HSBP1: variants seen among roughly 807,000 people sequenced by gnomAD.
HSBP1 encodes the protein heat shock factor binding protein 1, also known as heat shock factor-binding protein 1.
HSBP1 carries 5 observed loss-of-function variants against 9.6 expected under a neutral mutation model. The ratio of observed to expected loss-of-function variants is 0.52; its 90% confidence interval spans 0.27 to 1.09. The LOEUF is 1.09. Ranked by LOEUF, HSBP1 falls within the 50% of genes least tolerant of loss-of-function variation. HSBP1 has a pLI of 0.11. For synonymous variants in HSBP1, 42 were observed against 33.3 expected (o/e 1.26, Z -0.90); for missense variants, 121 against 96.3 (o/e 1.26, Z -1.07).
rs1904707041 is a variant in HSBP1 at position 83,815,802 on chromosome 16, C to T, written c.*4384C>T. 6.6e-6 allele frequency: 1 copy of T among 152,184 alleles called. No individual in the cohort carries two copies. Among genetic ancestry groups the T allele is most frequent in the Non-Finnish European group, 1.5e-5 (1 of 68,030 alleles). 9.4% of individuals were successfully genotyped at this position (152,184 alleles called of 1,614,324 possible). On this transcript the variant is annotated 3_prime_UTR_variant, in exon 4 of 4. Transcript: ENST00000433866. ...GAACACTCTTGACTGTCCTGCTTCA[C>T]AATAATAATCTTCGCAATAATGATC...
chr16:83,815,486 G>C lies in HSBP1; in HGVS notation c.*4068G>C, dbSNP rs952298818. 6.7e-6 allele frequency: 1 copy of C among 148,288 alleles called. No individual in the cohort carries two copies. Among genetic ancestry groups the C allele is most frequent in the African/African-American group, 2.5e-5 (1 of 39,826 alleles). 9.2% of individuals were successfully genotyped at this position (148,288 alleles called of 1,614,324 possible). ...GTGATCGGACGACTCCACTCCAGCC[G>C]GGGTGACAGAGCAAGACCCTGTCTC... On this transcript the variant is annotated 3_prime_UTR_variant, in exon 4 of 4. Coordinates refer to ENST00000433866, the MANE Select transcript of HSBP1 (RefSeq NM_001537.4).
Position 83,815,227 on chromosome 16 carries a change from T to G in HSBP1, c.*3809T>G, listed in dbSNP as rs573613858. Reference sequence around the variant, plus strand: ...GAATTGTGATTGAACATTGCACTTATCAACCCTACAAATTAATATGGAAAT... The same window carrying G: ...GAATTGTGATTGAACATTGCACTTAGCAACCCTACAAATTAATATGGAAAT... On this transcript the variant is annotated 3_prime_UTR_variant, in exon 4 of 4. Coordinates refer to ENST00000433866, the MANE Select transcript of HSBP1 (RefSeq NM_001537.4). 52 of 152,246 alleles carry G rather than the reference T, an allele frequency of 3.4e-4. No homozygotes were observed. Among genetic ancestry groups the G allele is most frequent in the African/African-American group, 1.1e-3 (45 of 41,522 alleles). 9.4% of individuals were successfully genotyped at this position (152,246 alleles called of 1,614,324 possible).
chr16:83,809,441 A>C lies in HSBP1; in HGVS notation c.*2+16A>C. 9.4e-7 allele frequency: 1 copy of C among 1,058,688 alleles called. No homozygotes were observed. Among genetic ancestry groups the C allele is most frequent in the African/African-American group, 1.7e-5 (1 of 57,824 alleles). 65.6% of individuals were successfully genotyped at this position (1,058,688 alleles called of 1,614,324 possible). On this transcript the variant is annotated intron_variant, in intron 3 of 3. Transcript: ENST00000433866. ...AGAGTTGAAGGTGAGGAAGGGGGCAATTTTTTTTTTCTTTTCTTTTCTTTT... is the reference window on the plus strand; with the variant it reads ...AGAGTTGAAGGTGAGGAAGGGGGCACTTTTTTTTTTCTTTTCTTTTCTTTT...
rs193288604 is a variant in HSBP1 at position 83,819,055 on chromosome 16, C to T, written c.*7637C>T. On this transcript the variant is annotated 3_prime_UTR_variant, in exon 4 of 4. Transcript: ENST00000433866. ...GTTTTAACACATCCTCCAGGCGATT[C>T]TGAGAGTGAGAGAGCCAGGGCCTTC... 6.6e-6 allele frequency: 1 copy of T among 152,026 alleles called. No individual in the cohort carries two copies. Among genetic ancestry groups the T allele is most frequent in the African/African-American group, 2.4e-5 (1 of 41,432 alleles). 9.4% of individuals were successfully genotyped at this position (152,026 alleles called of 1,614,324 possible). A position where few individuals can be genotyped will look rare whatever the true frequency, so the allele number is the denominator to read the frequency against.
In HSBP1 at chr16:83,817,957, T is replaced by G. The variant is rs144112260; in HGVS notation, c.*6539T>G. ...TCAGCCTTTCCCTTTGATAGGTATC[T>G]CTCCTGCAAGCCAGGCTCAGGTGCG... On this transcript the variant is annotated 3_prime_UTR_variant, in exon 4 of 4. Coordinates refer to ENST00000433866, the MANE Select transcript of HSBP1 (RefSeq NM_001537.4). The G allele has an allele frequency of 3.8e-4, 58 of 152,308 alleles. No individual in the cohort carries two copies. In the East Asian group the frequency reaches 0.01, roughly 26 times the overall value. 9.4% of individuals were successfully genotyped at this position (152,308 alleles called of 1,614,324 possible).
rs1183662972 is a variant in HSBP1 at position 83,815,527 on chromosome 16, G to C, written c.*4109G>C. The C allele has an allele frequency of 8.2e-6, 1 of 121,324 alleles. No homozygotes were observed. The highest frequency in any genetic ancestry group is 2.7e-4 in the South Asian group (1 of 3,728). 7.5% of individuals were successfully genotyped at this position (121,324 alleles called of 1,614,324 possible). ...ACCCTGTCTCAAAAAAAAAAAAAAA[G>C]GGCGGATCCTAACGCTTGGTCCTCA... On this transcript the variant is annotated 3_prime_UTR_variant, in exon 4 of 4. Transcript: ENST00000433866.
chr16:83,809,040 G>T, intron 2 of HSBP1: 1 of 552,654 alleles, frequency 1.8e-6, no homozygotes, highest in East Asian at 2.9e-5. Context: ...ATGACCTTAT[G>T]AGTGGGTTGT....
rs191617105 is a variant in HSBP1, at chr16:83,812,417, A to G, written c.*999A>G. 203 of 152,316 alleles carry G rather than the reference A, an allele frequency of 1.3e-3. No homozygotes were observed. Among genetic ancestry groups the G allele is most frequent in the African/African-American group, 4.7e-3 (196 of 41,564 alleles). 9.4% of individuals were successfully genotyped at this position (152,316 alleles called of 1,614,324 possible). A position where few individuals can be genotyped will look rare whatever the true frequency, so the allele number is the denominator to read the frequency against. The stretch of plus-strand genomic sequence containing the variant: ...ATCATTGATTATAGAAGACAGGGAT[A>G]ATACCTTTATCTCTGGCCACTCAAA... On this transcript the variant is annotated 3_prime_UTR_variant, in exon 4 of 4. Transcript: ENST00000433866.
rs1363894018 is a variant in HSBP1, at chr16:83,813,967, T to A, written c.*2549T>A. 6.6e-6 allele frequency: 1 copy of A among 152,198 alleles called. No individual in the cohort carries two copies. Among genetic ancestry groups the A allele is most frequent in the Middle Eastern group, 3.2e-3 (1 of 316 alleles). The allele number at this position is 152,198 out of a possible 1,614,324, so 9.4% of individuals were successfully genotyped here. On this transcript the variant is annotated 3_prime_UTR_variant, in exon 4 of 4. Coordinates refer to ENST00000433866, the MANE Select transcript of HSBP1 (RefSeq NM_001537.4). ...CACGTAACTAAGAGTTAATTTGCCC[T>A]TGTGAGTCCTTGGAATTTAAGCCCC...
chr16:83,809,650 G>A (rs1171256673), intron 3 of HSBP1, among the ~76,000 whole-genome samples: 3 of 151,754 alleles, frequency 2.0e-5, no homozygotes, highest in East Asian at 3.9e-4. Flanking sequence ...TGTATTTTTA[G>A]TAGAGACGGG....
At chr16:83,808,597 C>G in intron 1 of HSBP1, 83 bp from the exon 2 acceptor site, 2 of 1,105,490 alleles carry the variant, frequency 1.8e-6, no homozygotes, top group Non-Finnish European at 2.7e-6. Context: ...GCTGGAACCC[C>G]GGGACCAGGG....
At chr16:83,809,564 G>A in intron 3 of HSBP1, 139 bp downstream of exon 3, 1 of 553,310 alleles carries the variant, frequency 1.8e-6, no homozygotes, top group South Asian at 2.1e-5. Flanking sequence ...TGCCCTCCTG[G>A]GTTCAAACGA....
intron 3 of HSBP1, among the ~76,000 whole-genome samples, chr16:83,810,045 ATT>A (rs1479565612): frequency 2.2e-4 from 2 of 9,198 alleles, no homozygotes; most frequent in Non-Finnish European, 8.7e-4. Context: ...CCAGCTAATA[ATT>A]AAGGTGTCTT....
Position 83,813,049 on chromosome 16 carries a change from C to G in HSBP1, c.*1631C>G, listed in dbSNP as rs1391594650. ...GGTTTTCAGATGGAAATGCAGAAAT[C>G]ACATTAGAGTATCAACTAAAACCTC... is the stretch of plus-strand genomic sequence containing the variant. On this transcript the variant is annotated 3_prime_UTR_variant, in exon 4 of 4. Coordinates refer to ENST00000433866, the MANE Select transcript of HSBP1 (RefSeq NM_001537.4). The G allele has an allele frequency of 6.6e-6, 1 of 152,142 alleles. No individual in the cohort carries two copies. Among genetic ancestry groups the G allele is most frequent in the Non-Finnish European group, 1.5e-5 (1 of 68,060 alleles). 9.4% of individuals were successfully genotyped at this position (152,142 alleles called of 1,614,324 possible).
At chr16:83,808,147 G>A in intron 1 of HSBP1, 26 bp downstream of exon 1, 2 of 1,539,802 alleles carry the variant, frequency 1.3e-6, no homozygotes, top group Non-Finnish European at 1.8e-6. Context: ...GAGGGCCGGA[G>A]GCCGCGGCCT....
At chr16:83,810,465 G>A (rs1241456720) in intron 3 of HSBP1, among the ~76,000 whole-genome samples, 1 of 145,400 alleles carries the variant, frequency 6.9e-6, no homozygotes, top group East Asian at 2.0e-4. Flanking sequence ...GGCGGAGGTT[G>A]CAGTCGAGGT....
Position 83,812,292 on chromosome 16 carries a change from G to C in HSBP1, c.*874G>C, listed in dbSNP as rs542168432. The stretch of plus-strand genomic sequence containing the variant: ...ATATTAAGTCCATGCCAGTTGCTTG[G>C]CTAGAATATGATCAACGACTTGTAG... On this transcript the variant is annotated 3_prime_UTR_variant, in exon 4 of 4. Transcript: ENST00000433866. 3 of 152,604 alleles carry C rather than the reference G, an allele frequency of 2.0e-5. No homozygotes were observed. Among genetic ancestry groups the C allele is most frequent in the South Asian group, 4.1e-4 (2 of 4,824 alleles). 9.5% of individuals were successfully genotyped at this position (152,604 alleles called of 1,614,324 possible).
In HSBP1 at chr16:83,812,697, A is replaced by G. The variant is rs991906884; in HGVS notation, c.*1279A>G. ...CCTTCTGTGATAAAATGAATTCACCACTCTGGTTACCCAACTACAGAACCT... is the reference window on the plus strand; with the variant it reads ...CCTTCTGTGATAAAATGAATTCACCGCTCTGGTTACCCAACTACAGAACCT... On this transcript the variant is annotated 3_prime_UTR_variant, in exon 4 of 4. Transcript: ENST00000433866. 3 of 152,168 alleles carry G rather than the reference A, an allele frequency of 2.0e-5. No homozygotes were observed. Among genetic ancestry groups the G allele is most frequent in the African/African-American group, 7.2e-5 (3 of 41,432 alleles). 9.4% of individuals were successfully genotyped at this position (152,168 alleles called of 1,614,324 possible).
chr16:83,818,711 G>A lies in HSBP1; in HGVS notation c.*7293G>A, dbSNP rs1597257513. On this transcript the variant is annotated 3_prime_UTR_variant, in exon 4 of 4. Transcript: ENST00000433866. Reference sequence around the variant, plus strand: ...GCAGACGACCCTGTATCTGGTCTTGGTTCTGAAAGGTTTGCAGCGGCACCT... The same window carrying A: ...GCAGACGACCCTGTATCTGGTCTTGATTCTGAAAGGTTTGCAGCGGCACCT... 1 of 152,236 alleles carries A rather than the reference G, an allele frequency of 6.6e-6. No individual in the cohort carries two copies. The highest frequency in any genetic ancestry group is 1.9e-4 in the East Asian group (1 of 5,168). 9.4% of individuals were successfully genotyped at this position (152,236 alleles called of 1,614,324 possible). A position where few individuals can be genotyped will look rare whatever the true frequency, so the allele number is the denominator to read the frequency against.
Sources: gnomAD v4.1 joint callset for allele counts (sites outside exome capture counted in the v4.1 genomes callset) on GRCh38, gnomAD v4.1.1 for gene constraint, MANE v1.5 for transcripts, NCBI Gene and HGNC (gene_info 2026-07-23, HGNC 2026-07-21) for gene names.